The following SPAG16 variants were observed in gnomAD, a reference collection of about 807,000 sequenced individuals.
The protein encoded by SPAG16 is sperm-associated antigen 16 protein.
Under a neutral mutation model 80.4 loss-of-function variants are expected in SPAG16, and 86 were observed. That is an observed-to-expected ratio of 1.07 (90% CI 0.90 to 1.28). The LOEUF (loss-of-function observed/expected upper bound fraction) is 1.28. SPAG16 is among the 50% of genes most tolerant of loss of function. The pLI is 0.00. For synonymous variants in SPAG16, 294 were observed against 265.9 expected, an observed-to-expected ratio of 1.11 and a Z score of -1.03; for missense variants, 870 against 765.3, an observed-to-expected ratio of 1.14 and a Z score of -1.61.
intron 11 of SPAG16, among the ~76,000 whole-genome samples, chr2:213,895,458 C>T (rs2076957885): frequency 6.6e-6 from 1 of 152,040 alleles, no homozygotes; most frequent in Non-Finnish European, 1.5e-5. Flanking sequence ...CCTGAATAGC[C>T]AAAGCAATCC....
intron 11 of SPAG16, among the ~76,000 whole-genome samples, chr2:213,914,902 T>A (rs2077878318): frequency 6.6e-6 from 1 of 150,994 alleles, no homozygotes; most frequent in African/African-American, 2.4e-5. Context: ...GTCAAACACA[T>A]AGTTTGTAAA....
chr2:214,349,271 T>A (rs1475157926), intron 15 of SPAG16, among the ~76,000 whole-genome samples: 2 of 152,228 alleles, frequency 1.3e-5, no homozygotes, highest in Non-Finnish European at 2.9e-5. Flanking sequence ...TGTTACCACT[T>A]GTAGCAAACA....
At chr2:213,357,187 A>G (rs111351371) in intron 7 of SPAG16, among the ~76,000 whole-genome samples, 9,210 of 152,100 alleles carry the variant, frequency 0.061, 925 homozygotes, top group African/African-American at 0.21. Context: ...TATATGGTCA[A>G]TTTTAGAATA....
chr2:213,882,958 C>T (rs191305304), intron 11 of SPAG16, among the ~76,000 whole-genome samples: 52 of 152,198 alleles, frequency 3.4e-4, no homozygotes, highest in Admixed American at 1.3e-3. Context: ...CTGCAAGCTC[C>T]GCCTCCCAGG....
chr2:213,661,142 T>G (rs1184831391), intron 10 of SPAG16, among the ~76,000 whole-genome samples: 1 of 152,192 alleles, frequency 6.6e-6, no homozygotes, highest in Non-Finnish European at 1.5e-5. Flanking sequence ...TTGTGTAATA[T>G]TACATACCAC....
chr2:213,367,115 A>G (rs1428069624), intron 8 of SPAG16, among the ~76,000 whole-genome samples: 3 of 152,076 alleles, frequency 2.0e-5, no homozygotes, highest in Non-Finnish European at 4.4e-5. Flanking sequence ...AAGGACATGA[A>G]CTCATCCTTT....
At chr2:213,322,340 AAAAAAAAAAAAAAAAAC>A (rs991821740) in intron 5 of SPAG16, among the ~76,000 whole-genome samples, 11 of 111,202 alleles carry the variant, frequency 9.9e-5, no homozygotes, top group African/African-American at 3.3e-4. Flanking sequence ...AATGCAAAAA[AAAAAAAAAAAAAAAAAC>A]AAAAAACTCG....
chr2:213,660,272 G>GTTT (rs1268686589), intron 10 of SPAG16, among the ~76,000 whole-genome samples: 1 of 140,542 alleles, frequency 7.1e-6, no homozygotes, highest in Non-Finnish European at 1.6e-5. Flanking sequence ...TAGTGTTGTT[G>GTTT]TTTTTTTTTT....
At chr2:214,192,601 G>A (rs1371654663) in intron 15 of SPAG16, among the ~76,000 whole-genome samples, 5 of 150,748 alleles carry the variant, frequency 3.3e-5, no homozygotes, top group Non-Finnish European at 7.4e-5. Flanking sequence ...AGTTTGTTCT[G>A]TTTATTGCAC....
chr2:214,348,467 G>GT (rs1698200869), intron 15 of SPAG16, among the ~76,000 whole-genome samples: 1 of 152,164 alleles, frequency 6.6e-6, no homozygotes, highest in African/African-American at 2.4e-5. Context: ...GGTCAATAGA[G>GT]TATGATTAGA....
intron 10 of SPAG16, among the ~76,000 whole-genome samples, chr2:213,658,719 T>C (rs748545904): frequency 2.6e-5 from 4 of 151,976 alleles, no homozygotes; most frequent in Non-Finnish European, 5.9e-5. Context: ...GGTGCTGGAG[T>C]GAAGAGTTTG....
Position 213,284,559 on chromosome 2 carries a change from G to A in SPAG16, c.76G>A (p.Ala26Thr), listed in dbSNP as rs2061979495. The A allele has an allele frequency of 1.9e-6, 3 of 1,607,258 alleles. No homozygotes were observed. The highest frequency in any genetic ancestry group is 1.7e-6 in the Non-Finnish European group (2 of 1,177,282). The change falls in exon 1 of 16, where the codon GCC becomes ACC. Residue 26 changes from alanine to threonine, a missense_variant. Transcript: ENST00000331683. ...EEALGMGLTA[A>T]GDARDTADAV... is the part of the protein sequence containing the mutation. ...GGCGTTGGGCATGGGTTTGACGGCA[G>A]CCGGGGACGCGAGGGACACGGCGGA...
chr2:214,349,829 C>T (rs994645761), intron 15 of SPAG16, among the ~76,000 whole-genome samples: 21 of 152,046 alleles, frequency 1.4e-4, no homozygotes, highest in African/African-American at 3.9e-4. Context: ...TATTTTATGA[C>T]GAATAAGTTA....
At chr2:214,409,382 G>T (rs1411369167) in intron 15 of SPAG16, among the ~76,000 whole-genome samples, 2 of 151,966 alleles carry the variant, frequency 1.3e-5, no homozygotes, top group Non-Finnish European at 2.9e-5. Context: ...TCCCATGATA[G>T]TTTGTTACTG....
At chr2:214,319,200 C>CCACACG (rs1695913138) in intron 15 of SPAG16, among the ~76,000 whole-genome samples, 1 of 142,242 alleles carries the variant, frequency 7.0e-6, no homozygotes, top group African/African-American at 2.6e-5. Flanking sequence ...CACACACACA[C>CCACACG]CACACACACA....
chr2:213,662,547 T>C (rs1424743833), intron 10 of SPAG16, among the ~76,000 whole-genome samples: 1 of 152,274 alleles, frequency 6.6e-6, no homozygotes, highest in East Asian at 1.9e-4. Context: ...TTAAAATCTT[T>C]GCAGTATCTA....
At chr2:213,580,855 C>G (rs1356331775) in intron 10 of SPAG16, among the ~76,000 whole-genome samples, 1 of 151,810 alleles carries the variant, frequency 6.6e-6, no homozygotes, top group African/African-American at 2.4e-5. Context: ...TATTTACATG[C>G]CAGAAGTTTT....
chr2:213,876,121 C>T (rs760180314), intron 11 of SPAG16, among the ~76,000 whole-genome samples: 7 of 151,876 alleles, frequency 4.6e-5, no homozygotes, highest in Non-Finnish European at 7.4e-5. Flanking sequence ...TTTGACATTG[C>T]GTGAAAGTTT....
intron 5 of SPAG16, among the ~76,000 whole-genome samples, chr2:213,337,672 GAAAA>G (rs889895432): frequency 2.6e-5 from 4 of 151,774 alleles, no homozygotes; most frequent in African/African-American, 7.3e-5. Context: ...CAAGAGGAGA[GAAAA>G]AAAGAATGAA....
Sources: gnomAD v4.1 joint callset for allele counts (sites outside exome capture counted in the v4.1 genomes callset) on GRCh38, gnomAD v4.1.1 for gene constraint, MANE v1.5 for transcripts, NCBI Gene and HGNC (gene_info 2026-07-23, HGNC 2026-07-21) for gene names.